RSPO2: variants seen among roughly 807,000 people sequenced by gnomAD.
The protein encoded by RSPO2 is R-spondin 2.
A neutral mutation model predicts 30.9 loss-of-function variants in RSPO2; 14 were observed. The ratio of observed to expected loss-of-function variants is 0.45; its 90% CI spans 0.30 to 0.71. The LOEUF (loss-of-function observed/expected upper bound fraction) is 0.71. RSPO2 is among the 30% of genes least tolerant of loss of function. The pLI is 0.08. For missense variants in RSPO2, 264 were observed against 301.9 expected, an observed-to-expected ratio of 0.87 and a Z score of 0.93; for synonymous variants, 107 against 96.4, an observed-to-expected ratio of 1.11 and a Z score of -0.64.
intron 3 of RSPO2, 55 bp downstream of exon 3, chr8:107,989,001 T>A: frequency 5.7e-6 from 8 of 1,406,066 alleles, no homozygotes; most frequent in Non-Finnish European, 6.8e-6. Context: ...TCAACTTAGC[T>A]CCTCTCCTAA....
intron 3 of RSPO2, among the ~76,000 whole-genome samples, chr8:107,966,795 G>C (rs986320840): frequency 6.6e-6 from 1 of 152,194 alleles, no homozygotes; most frequent in African/African-American, 2.4e-5. Flanking sequence ...ATCCTTAAAA[G>C]CAGAGAAACA....
At chr8:108,041,218 A>AAG (rs1330724953) in intron 2 of RSPO2, among the ~76,000 whole-genome samples, 2 of 151,426 alleles carry the variant, frequency 1.3e-5, no homozygotes, top group Non-Finnish European at 2.9e-5. Context: ...AAAAAAAAAA[A>AAG]AAAAAGAAGA....
chr8:107,938,071 C>A (rs1188950847), intron 5 of RSPO2, among the ~76,000 whole-genome samples: 1 of 152,048 alleles, frequency 6.6e-6, no homozygotes, highest in Non-Finnish European at 1.5e-5. Context: ...AACTTAGTGA[C>A]ATTAGAGTTT....
intron 5 of RSPO2, among the ~76,000 whole-genome samples, chr8:107,953,312 C>G (rs1401610982): frequency 6.6e-6 from 1 of 152,120 alleles, no homozygotes; most frequent in Non-Finnish European, 1.5e-5. Context: ...GGGATGGCAA[C>G]TACAATCTTG....
chr8:108,064,060 T>TA (rs1349362568), intron 2 of RSPO2, among the ~76,000 whole-genome samples: 1 of 152,118 alleles, frequency 6.6e-6, no homozygotes, highest in East Asian at 1.9e-4. Context: ...ACGTTAGACC[T>TA]AAAACCATAA....
At chr8:108,061,155 T>A (rs1393180591) in intron 2 of RSPO2, among the ~76,000 whole-genome samples, 3 of 151,760 alleles carry the variant, frequency 2.0e-5, no homozygotes, top group African/African-American at 7.3e-5. Context: ...GCTAACATCA[T>A]AATGACAGGA....
At chr8:107,959,351 C>A (rs1224967248) in intron 4 of RSPO2, among the ~76,000 whole-genome samples, 1 of 152,110 alleles carries the variant, frequency 6.6e-6, no homozygotes, top group Non-Finnish European at 1.5e-5. Context: ...TATGTTAAGT[C>A]CACATAGTGG....
chr8:107,915,233 C>CA (rs1811943136), intron 5 of RSPO2, among the ~76,000 whole-genome samples: 1 of 151,898 alleles, frequency 6.6e-6, no homozygotes, highest in African/African-American at 2.4e-5. Context: ...AATGTAAAAC[C>CA]AAAAAATCTG....
At chr8:107,984,159 A>C (rs1197799696) in intron 3 of RSPO2, among the ~76,000 whole-genome samples, 2 of 152,218 alleles carry the variant, frequency 1.3e-5, no homozygotes, top group East Asian at 3.9e-4. Flanking sequence ...TCATTCACTC[A>C]CTTGAGCTAA....
chr8:107,999,002 C>CG (rs1276172567), intron 2 of RSPO2, among the ~76,000 whole-genome samples: 1 of 152,040 alleles, frequency 6.6e-6, no homozygotes, highest in Non-Finnish European at 1.5e-5. Context: ...TGGGATCGTG[C>CG]GCCACTGTAC....
chr8:107,991,594 A>G (rs1814850259), intron 2 of RSPO2, among the ~76,000 whole-genome samples: 1 of 152,208 alleles, frequency 6.6e-6, no homozygotes, highest in Non-Finnish European at 1.5e-5. Flanking sequence ...AGAAAATATC[A>G]TCAGACTGAA....
chr8:107,914,555 C>T (rs1391006465), intron 5 of RSPO2, among the ~76,000 whole-genome samples: 3 of 151,798 alleles, frequency 2.0e-5, no homozygotes, highest in Non-Finnish European at 4.4e-5. Context: ...AGAATTGCAA[C>T]TACAAAGCTA....
intron 2 of RSPO2, among the ~76,000 whole-genome samples, chr8:108,008,727 C>T (rs1453702648): frequency 6.7e-6 from 1 of 149,860 alleles, no homozygotes; most frequent in Non-Finnish European, 1.5e-5. Flanking sequence ...CAATGTAAGT[C>T]TATGTTCACA....
chr8:107,930,101 T>C (rs565664522), intron 5 of RSPO2, among the ~76,000 whole-genome samples: 1 of 152,224 alleles, frequency 6.6e-6, no homozygotes, highest in Non-Finnish European at 1.5e-5. Flanking sequence ...ACCATTAATA[T>C]GCGCCCATGT....
At position 108,058,174 on chromosome 8, in the gene RSPO2, G is replaced by A. The variant is rs116204612; in HGVS notation, c.94+24371C>T. On this transcript the variant is annotated intron_variant, in intron 2 of 5. Coordinates refer to ENST00000276659, the MANE Select transcript of RSPO2 (RefSeq NM_178565.5). Reference sequence around the variant, plus strand: ...ATACCTAATATATTGAGAGCTTTTAGCAAAAATCACAAGCATTCTTATACA... The same window carrying A: ...ATACCTAATATATTGAGAGCTTTTAACAAAAATCACAAGCATTCTTATACA... 9.8e-3 allele frequency among the ~76,000 whole-genome samples: 1,489 copies of A among 152,146 alleles called. 28 individuals carry two copies. Among genetic ancestry groups the A allele is most frequent in the African/African-American group, 0.034 (1,430 of 41,508 alleles).
At chr8:108,021,306 A>G (rs1312455490) in intron 2 of RSPO2, among the ~76,000 whole-genome samples, 1 of 152,202 alleles carries the variant, frequency 6.6e-6, no homozygotes, top group African/African-American at 2.4e-5. Context: ...AAATAAATGA[A>G]CTTTTTTCTC....
intron 5 of RSPO2, among the ~76,000 whole-genome samples, chr8:107,948,866 AAAAT>A (rs1554575497): frequency 2.1e-4 from 31 of 145,870 alleles, no homozygotes; most frequent in African/African-American, 5.3e-4. Flanking sequence ...TCTCAAAAAA[AAAAT>A]AAATAAATAA....
At chr8:108,070,459 A>AT (rs1351054125) in intron 2 of RSPO2, among the ~76,000 whole-genome samples, 2 of 151,442 alleles carry the variant, frequency 1.3e-5, no homozygotes, top group African/African-American at 2.4e-5. Context: ...CGCCCGGCTA[A>AT]TTTTTTGTAT....
intron 3 of RSPO2, among the ~76,000 whole-genome samples, chr8:107,964,040 A>G (rs1813718732): frequency 6.6e-6 from 1 of 152,222 alleles, no homozygotes; most frequent in Admixed American, 6.5e-5. Context: ...TTGTCTGTGT[A>G]ATAAAGCATT....
Sources: allele counts gnomAD v4.1 joint callset (sites outside exome capture counted in the v4.1 genomes callset), GRCh38; gene constraint gnomAD v4.1.1; transcripts MANE v1.5; gene names NCBI Gene and HGNC (gene_info 2026-07-23, HGNC 2026-07-21).